Variants in ENPP2 observed in about 807,000 individuals in gnomAD.
ENPP2 encodes the protein ectonucleotide pyrophosphatase/phosphodiesterase 2.
ENPP2 carries 51 observed loss-of-function variants against 120.2 expected under a neutral mutation model. The ratio of observed to expected loss-of-function variants is 0.42; its 90% CI spans 0.34 to 0.54. The LOEUF is 0.54. Among genes scored for constraint, ENPP2 ranks in the 20% least tolerant of loss-of-function variants. The pLI, the probability that ENPP2 is intolerant of heterozygous loss-of-function variation, is 0.04. For synonymous variants in ENPP2, 365 were observed against 366.4 expected (o/e 1.00, Z 0.04); for missense variants, 920 against 1,066.5 (o/e 0.86, Z 1.91).
At chr8:119,577,937 T>C (rs16892807) in intron 19 of ENPP2, among the ~76,000 whole-genome samples, 12,684 of 152,246 alleles carry the variant, frequency 0.083, 745 homozygotes, top group African/African-American at 0.17. Context: ...AATGGAGATG[T>C]AACCTTACTA....
chr8:119,612,763 G>A (rs2130673628), intron 8 of ENPP2, among the ~76,000 whole-genome samples: 1 of 152,260 alleles, frequency 6.6e-6, no homozygotes, highest in South Asian at 2.1e-4. Context: ...GGTAGTGTGT[G>A]CCTATAGTCC....
At chr8:119,564,743 G>A (rs1264095779) in intron 23 of ENPP2, 80 bp downstream of exon 23, 3 of 1,255,900 alleles carry the variant, frequency 2.4e-6, no homozygotes, top group East Asian at 2.4e-5. Flanking sequence ...CTCTTCTCTA[G>A]TATATGAATA....
chr8:119,618,508 A>G (rs1815637089), intron 5 of ENPP2: 1 of 350,362 alleles, frequency 2.9e-6, no homozygotes. Context: ...GGTGCTATAA[A>G]GGTTCCCATT....
At chr8:119,669,198 C>G (rs116648950) in intron 1 of ENPP2, among the ~76,000 whole-genome samples, 1,665 of 152,290 alleles carry the variant, frequency 0.011, 24 homozygotes, top group African/African-American at 0.038. Flanking sequence ...GTCAATCCAT[C>G]TGTTAATCAG....
At chr8:119,603,290 T>C (rs886251985) in intron 9 of ENPP2, among the ~76,000 whole-genome samples, 4 of 151,930 alleles carry the variant, frequency 2.6e-5, no homozygotes, top group African/African-American at 7.3e-5. Context: ...GCCTAAAAGC[T>C]GCTTTATTTT....
rs565950916 is a variant in ENPP2, at chr8:119,567,801, C to T, written c.2131+374G>A. On this transcript the variant is annotated intron_variant, in intron 22 of 24. Transcript: ENST00000075322. ...AAATATAGTGAAGACCCTTTTTAAC[C>T]ATTAAGATAATAAGTATTGAAATAA... is the stretch of plus-strand genomic sequence containing the variant. 6.6e-5 allele frequency among the ~76,000 whole-genome samples: 10 copies of T among 152,200 alleles called. No homozygotes were observed. The South Asian group carries it at 2.1e-3, about 32-fold the overall frequency.
intron 1 of ENPP2, among the ~76,000 whole-genome samples, chr8:119,663,959 TA>T (rs1161788423): frequency 6.6e-6 from 1 of 152,202 alleles, no homozygotes; most frequent in Non-Finnish European, 1.5e-5. Context: ...TCAAACTGTG[TA>T]CTGAGAAAGC....
chr8:119,646,575 C>T (rs985804182), intron 1 of ENPP2, among the ~76,000 whole-genome samples: 2 of 152,158 alleles, frequency 1.3e-5, no homozygotes, highest in South Asian at 2.1e-4. Context: ...AATCCCAGCT[C>T]GACCACAGTT....
intron 17 of ENPP2, among the ~76,000 whole-genome samples, chr8:119,582,941 C>G (rs1252754637): frequency 6.6e-6 from 1 of 152,188 alleles, no homozygotes; most frequent in African/African-American, 2.4e-5. Flanking sequence ...ATGTCAGTAT[C>G]ACTTTTTCCT....
chr8:119,562,897 A>G lies in ENPP2; in HGVS notation c.2381T>C (p.Phe794Ser), dbSNP rs775212549. ...KCDGPLSVSS[F>S]ILPHRPDNEE... The stretch of plus-strand genomic sequence containing the variant: ...GTTGTCAGGCCGGTGAGGCAGGATG[A>G]AGGAGGACACAGAGAGAGGGCCGTC... Residue 794 changes from phenylalanine to serine, a missense_variant, in exon 24 of 25, where the codon TTC becomes TCC. Physicochemically the swap from Phe to Ser is radical, Grantham distance 155 (BLOSUM62 -2). Transcript: ENST00000075322. 2.3e-5 allele frequency: 37 copies of G among 1,614,032 alleles called. No homozygotes were observed. Among genetic ancestry groups the G allele is most frequent in the Middle Eastern group, 1.6e-4 (1 of 6,084 alleles).
At chr8:119,598,103 A>G (rs898994292) in intron 11 of ENPP2, among the ~76,000 whole-genome samples, 1 of 152,220 alleles carries the variant, frequency 6.6e-6, no homozygotes, top group Non-Finnish European at 1.5e-5. Flanking sequence ...TGTATAAACC[A>G]ATTAGCCTAC....
At chr8:119,558,106 A>C (rs1449522038) in intron 24 of ENPP2, among the ~76,000 whole-genome samples, 2 of 152,250 alleles carry the variant, frequency 1.3e-5, no homozygotes, top group Non-Finnish European at 2.9e-5. Context: ...AGGAAAGTGA[A>C]GAACTTAAGC....
chr8:119,631,060 A>G, intron 2 of ENPP2, among the ~76,000 whole-genome samples: 1 of 151,446 alleles, frequency 6.6e-6, no homozygotes, highest in Non-Finnish European at 1.5e-5. Context: ...ATGCCCGGCT[A>G]ATTTTTTGTA....
intron 19 of ENPP2, among the ~76,000 whole-genome samples, chr8:119,572,413 C>T (rs1319637276): frequency 5.3e-5 from 8 of 152,128 alleles, no homozygotes; most frequent in Admixed American, 3.9e-4. Flanking sequence ...ATACGCAATA[C>T]CCCTCCCTAG....
intron 1 of ENPP2, among the ~76,000 whole-genome samples, chr8:119,645,329 A>T (rs1327760284): frequency 2.0e-5 from 3 of 152,166 alleles, no homozygotes; most frequent in African/African-American, 7.2e-5. Flanking sequence ...TCTTTTCAGG[A>T]AAACCTTAAA....
chr8:119,569,305 C>T lies in ENPP2; in HGVS notation c.1983G>A (p.Pro661=), dbSNP rs144995678. Residue 661 remains proline, a synonymous_variant, in exon 21 of 25, where the codon CCG becomes CCA. Coordinates refer to ENST00000075322, the MANE Select transcript of ENPP2 (RefSeq NM_001040092.3). The stretch of plus-strand genomic sequence containing the variant: ...AGGCCAAACAGTTCTGACTGAAACT[C>T]GGAGAAACACGGACATCAGGCCGGA... ...SCVRPDVRVS[P]SFSQNCLAYK... is the part of the protein sequence containing the mutation. 32 of 1,613,884 alleles carry T rather than the reference C, an allele frequency of 2.0e-5. No homozygotes were observed. Among genetic ancestry groups the T allele is most frequent in the African/African-American group, 2.7e-5 (2 of 74,870 alleles).
At chr8:119,572,283 G>C in intron 19 of ENPP2, 1 of 1,461,704 alleles carries the variant, frequency 6.8e-7, no homozygotes, top group Non-Finnish European at 9.4e-7. Context: ...TCTTTGAGAA[G>C]CTATTCTCTT....
At chr8:119,638,869 C>G, upstream of ENPP2, 1 of 1,561,514 alleles carries the variant, frequency 6.4e-7, no homozygotes, top group Non-Finnish European at 8.8e-7. Context: ...AGTCTATTAA[C>G]TATAAGCAAT....
chr8:119,659,406 T>C (rs1233013133), intron 1 of ENPP2, among the ~76,000 whole-genome samples: 1 of 151,020 alleles, frequency 6.6e-6, no homozygotes, highest in African/African-American at 2.4e-5. Flanking sequence ...ATAACACTAT[T>C]TTCTTACCCC....
Sources: gnomAD v4.1 joint callset for allele counts (sites outside exome capture counted in the v4.1 genomes callset) on GRCh38, gnomAD v4.1.1 for gene constraint, MANE v1.5 for transcripts, NCBI Gene and HGNC (gene_info 2026-07-23, HGNC 2026-07-21) for gene names.